The following AFF2 variants were observed in gnomAD, a reference collection of about 807,000 sequenced individuals.
AFF2 encodes the protein ALF transcription elongation factor 2.
A neutral mutation model predicts 76.9 loss-of-function variants in AFF2; 14 were observed. The observed-to-expected ratio is 0.18, with a 90% confidence interval of 0.12 to 0.28. The LOEUF (loss-of-function observed/expected upper bound fraction) is 0.28. Ranked by LOEUF, AFF2 falls within the 10% of genes least tolerant of loss-of-function variation. The pLI is 1.00. For synonymous variants in AFF2, 398 were observed against 366.7 expected, an observed-to-expected ratio of 1.09 and a Z score of -0.98; for missense variants, 868 against 1,001.1, an observed-to-expected ratio of 0.87 and a Z score of 1.79.
intron 1 of AFF2, among the ~76,000 whole-genome samples, chrX:148,524,123 C>CTCTG (rs1392390338): frequency 4.1e-4 from 34 of 83,462 alleles, no homozygotes; most frequent in African/African-American, 9.4e-4. Flanking sequence ...CTCTCTCTCT[C>CTCTG]TGTGTGTGTG....
chrX:148,643,719 A>G (rs2124446571), intron 1 of AFF2, among the ~76,000 whole-genome samples: 1 of 111,340 alleles, frequency 9.0e-6, no homozygotes, highest in Non-Finnish European at 1.9e-5. Flanking sequence ...AGGAGATAAA[A>G]TCAGACATTC....
chrX:148,824,574 C>T (rs1399238843), intron 4 of AFF2, among the ~76,000 whole-genome samples: 2 of 111,376 alleles, frequency 1.8e-5, no homozygotes, highest in Non-Finnish European at 3.8e-5. Flanking sequence ...CCATAAAGTT[C>T]GAGAATAAAA....
intron 8 of AFF2, among the ~76,000 whole-genome samples, chrX:148,892,931 G>A (rs1432966257): frequency 1.2e-4 from 14 of 112,137 alleles, no homozygotes; most frequent in Non-Finnish European, 2.4e-4. Flanking sequence ...CAGCAAGAGA[G>A]GTCAGCCTGT....
chrX:148,802,373 G>T (rs1380935752), intron 3 of AFF2, among the ~76,000 whole-genome samples: 1 of 111,909 alleles, frequency 8.9e-6, no homozygotes, highest in African/African-American at 3.2e-5. Context: ...TCTGTATTTT[G>T]AACAAACTGG....
At chrX:148,919,414 C>T (rs1322721036) in intron 9 of AFF2, among the ~76,000 whole-genome samples, 2 of 111,153 alleles carry the variant, frequency 1.8e-5, no homozygotes, top group African/African-American at 6.5e-5. Context: ...AGTGTCATCA[C>T]TTGTAACAGT....
intron 10 of AFF2, 77 bp downstream of exon 10, chrX:148,953,816 C>G (rs2072001028): frequency 1.4e-5 from 5 of 347,779 alleles, no homozygotes; most frequent in Non-Finnish European, 2.2e-5. Flanking sequence ...CACACACAGA[C>G]ACACACACAC....
At chrX:148,880,296 T>G (rs2071082702) in intron 7 of AFF2, among the ~76,000 whole-genome samples, 1 of 111,565 alleles carries the variant, frequency 9.0e-6, no homozygotes, top group African/African-American at 3.3e-5. Flanking sequence ...CCCTGAAAAA[T>G]ATCACCTCCT....
Position 148,520,164 on chromosome X carries a change from G to A in AFF2, c.47+19020G>A, listed in dbSNP as rs189560902. Among the ~76,000 whole-genome samples, 16 of 111,377 alleles carry A rather than the reference G, an allele frequency of 1.4e-4. No homozygotes were observed. In the East Asian group the frequency reaches 4.5e-3, roughly 31 times the overall value. ...TTTTGGATTCAGTGAAACCCGAAATGCATATTGCCTCAAGCCCTTTTTCCC... is the reference window on the plus strand; with the variant it reads ...TTTTGGATTCAGTGAAACCCGAAATACATATTGCCTCAAGCCCTTTTTCCC... On this transcript the variant is annotated intron_variant, in intron 1 of 20. Transcript: ENST00000370460.
rs180981345 is a variant in AFF2 at position 148,572,658 on chromosome X, A to G, written c.47+71514A>G. Among the ~76,000 whole-genome samples the G allele has an allele frequency of 6.2e-5, 7 of 112,091 alleles. No individual in the cohort carries two copies. In the East Asian group the frequency reaches 2.0e-3, roughly 31 times the overall value. On this transcript the variant is annotated intron_variant, in intron 1 of 20. Transcript: ENST00000370460. ...TGAAAACATTATGCTAAGTGAAAGAAAAAACAGACATAAAAGGTTACATAT... is the reference window on the plus strand; with the variant it reads ...TGAAAACATTATGCTAAGTGAAAGAGAAAACAGACATAAAAGGTTACATAT...
At chrX:148,723,068 C>G (rs1462778086) in intron 3 of AFF2, among the ~76,000 whole-genome samples, 1 of 111,616 alleles carries the variant, frequency 9.0e-6, no homozygotes, top group South Asian at 3.8e-4. Flanking sequence ...CCCTAATTAC[C>G]GTGGTTTTCC....
intron 3 of AFF2, among the ~76,000 whole-genome samples, chrX:148,676,005 G>C (rs1263124341): frequency 9.1e-6 from 1 of 110,039 alleles, no homozygotes; most frequent in Non-Finnish European, 1.9e-5. Context: ...TAAAAACCTA[G>C]TGTAACATTT....
intron 3 of AFF2, among the ~76,000 whole-genome samples, chrX:148,741,456 C>G (rs2055350949): frequency 9.0e-6 from 1 of 110,707 alleles, no homozygotes; most frequent in Admixed American, 9.6e-5. Context: ...AGCTCCCACG[C>G]AAACTGAATG....
intron 3 of AFF2, among the ~76,000 whole-genome samples, chrX:148,783,547 C>A (rs1225262320): frequency 9.0e-6 from 1 of 111,492 alleles, no homozygotes; most frequent in Non-Finnish European, 1.9e-5. Context: ...TTTCCTTGCC[C>A]ACTTGTTCCT....
chrX:148,898,982 T>C lies in AFF2; in HGVS notation c.1360-5239T>C, dbSNP rs1312745488. Among the ~76,000 whole-genome samples, 3 of 112,092 alleles carry C rather than the reference T, an allele frequency of 2.7e-5. No individual in the cohort carries two copies. The Admixed American group carries it at 2.8e-4, about 11-fold the overall frequency. The stretch of plus-strand genomic sequence containing the variant: ...AGTGATCTAAAGATAGGTAACATGT[T>C]TTTGCTTCCTAGAGGTTCAAGGTTC... On this transcript the variant is annotated intron_variant, in intron 8 of 20. Transcript: ENST00000370460.
chrX:148,724,930 C>A (rs1557264115), intron 3 of AFF2, among the ~76,000 whole-genome samples: 1 of 111,577 alleles, frequency 9.0e-6, no homozygotes, highest in Non-Finnish European at 1.9e-5. Flanking sequence ...TCCAGTAGGT[C>A]ACCACTGAAT....
chrX:148,719,308 A>C, intron 3 of AFF2: 2 of 739,612 alleles, frequency 2.7e-6, no homozygotes, highest in Non-Finnish European at 4.0e-6. Flanking sequence ...TCTCTTTACA[A>C]ATGAGTCCTG....
chrX:148,916,196 CTTTTTTTTTTTTTTTT>C (rs782508166), intron 9 of AFF2, among the ~76,000 whole-genome samples: 2 of 34,032 alleles, frequency 5.9e-5, no homozygotes, highest in Admixed American at 5.5e-4. Context: ...GTGGTTTTAA[CTTTTTTTTTTTTTTTT>C]TTTTTTTTTT....
intron 1 of AFF2, among the ~76,000 whole-genome samples, chrX:148,637,203 T>C (rs2054040726): frequency 8.9e-6 from 1 of 112,016 alleles, no homozygotes; most frequent in African/African-American, 3.3e-5. Context: ...TAGAAGCATA[T>C]TAAACATATT....
intron 4 of AFF2, among the ~76,000 whole-genome samples, chrX:148,827,921 G>C (rs782751479): frequency 8.9e-6 from 1 of 111,785 alleles, no homozygotes; most frequent in East Asian, 2.8e-4. Flanking sequence ...TATCAAGTTG[G>C]TTTGCCTGAG....
Sources: gnomAD v4.1 joint callset for allele counts (sites outside exome capture counted in the v4.1 genomes callset) on GRCh38, gnomAD v4.1.1 for gene constraint, MANE v1.5 for transcripts, NCBI Gene and HGNC (gene_info 2026-07-23, HGNC 2026-07-21) for gene names.